The following IL1RL2 variants were observed in gnomAD, a reference collection of about 807,000 sequenced individuals.
The protein encoded by IL1RL2 is interleukin-1 receptor-like 2.
In IL1RL2, 68 loss-of-function variants were observed where a neutral mutation model predicts 66.8. The observed-to-expected ratio is 1.02, with a 90% CI of 0.84 to 1.25. The LOEUF is 1.25. IL1RL2 is among the 50% of genes most tolerant of loss of function. IL1RL2 has a pLI of 0.00. For missense variants in IL1RL2, 729 were observed against 709.3 expected (o/e 1.03, Z -0.32); for synonymous variants, 305 against 264.6 (o/e 1.15, Z -1.48).
At chr2:102,239,111 C>A in intron 11 of IL1RL2, 81 bp from the exon 12 acceptor site, 3 of 1,291,718 alleles carry the variant, frequency 2.3e-6, no homozygotes, top group Non-Finnish European at 3.4e-6. Flanking sequence ...GAGGTTTTCG[C>A]ATTCCCATGG....
intron 5 of IL1RL2, among the ~76,000 whole-genome samples, chr2:102,203,462 T>C (rs955528905): frequency 6.6e-6 from 1 of 152,086 alleles, no homozygotes; most frequent in African/African-American, 2.4e-5. Context: ...TGAGCAGGAT[T>C]GGTATTAGTT....
rs149213603 is a variant in IL1RL2 at position 102,219,970 on chromosome 2, T to C, written c.944T>C (p.Met315Thr). ...VKMEDYGLPF[M>T]CHAGVSTAYI... Reference sequence around the variant, plus strand: ...ATGGAAGATTATGGCCTTCCTTTCATGTGCCACGCTGGAGTGTCCACAGCA... The same window carrying C: ...ATGGAAGATTATGGCCTTCCTTTCACGTGCCACGCTGGAGTGTCCACAGCA... Residue 315 changes from methionine (M) to threonine (T), a missense_variant, in exon 8 of 12, where the codon ATG becomes ACG. Transcript: ENST00000264257. The C allele has an allele frequency of 8.7e-6, 14 of 1,614,008 alleles. No individual in the cohort carries two copies. The highest frequency in any genetic ancestry group is 1.3e-5 in the African/African-American group (1 of 75,060).
At chr2:102,193,255 G>T (rs183554650) in intron 4 of IL1RL2, among the ~76,000 whole-genome samples, 1 of 152,096 alleles carries the variant, frequency 6.6e-6, no homozygotes, top group African/African-American at 2.4e-5. Context: ...TTTAAGGCAC[G>T]TTTGCCAGTG....
chr2:102,192,240 G>A (rs1687295796), intron 4 of IL1RL2, 120 bp downstream of exon 4: 11 of 611,802 alleles, frequency 1.8e-5, no homozygotes, highest in Non-Finnish European at 3.0e-5. Context: ...GCCTAAGATA[G>A]ATTAGTTAGC....
At chr2:102,199,376 T>C (rs1665314039) in intron 4 of IL1RL2, among the ~76,000 whole-genome samples, 1 of 152,268 alleles carries the variant, frequency 6.6e-6, no homozygotes, top group Non-Finnish European at 1.5e-5. Context: ...TCACCAGTTT[T>C]ATCTCCATCA....
chr2:102,212,510 C>G (rs1689259150), intron 6 of IL1RL2, among the ~76,000 whole-genome samples: 1 of 151,962 alleles, frequency 6.6e-6, no homozygotes, highest in African/African-American at 2.4e-5. Flanking sequence ...TAATGTTGAC[C>G]AGGAGTTCTG....
chr2:102,213,614 T>C lies in IL1RL2; in HGVS notation c.724+1440T>C, dbSNP rs1379370184. On this transcript the variant is annotated intron_variant, in intron 6 of 11. Coordinates refer to ENST00000264257, the MANE Select transcript of IL1RL2 (RefSeq NM_003854.4). ...AGCCAAAGCCATAGTTAAAGAATAT[T>C]TAGAAAATAATGATAGTGAGAATAC... 3.9e-5 allele frequency among the ~76,000 whole-genome samples: 6 copies of C among 152,126 alleles called. No individual in the cohort carries two copies. The East Asian group carries it at 1.2e-3, about 29-fold the overall frequency.
chr2:102,200,032 C>A (rs1189601318), intron 4 of IL1RL2, among the ~76,000 whole-genome samples: 4 of 150,016 alleles, frequency 2.7e-5, no homozygotes, highest in Non-Finnish European at 5.9e-5. Flanking sequence ...TGGCACGTAC[C>A]TGTAGTCCCA....
chr2:102,224,044 C>T (rs2104852563), intron 8 of IL1RL2, among the ~76,000 whole-genome samples: 1 of 152,276 alleles, frequency 6.6e-6, no homozygotes, highest in African/African-American at 2.4e-5. Flanking sequence ...TAAAGATGTG[C>T]AATAGTAAAT....
rs1342123625 is a variant in IL1RL2, at chr2:102,235,156, G to A, written c.1557G>A (p.Glu519=). Residue 519 remains glutamate (E), a synonymous_variant, in exon 11 of 12, where the codon GAG becomes GAA. Transcript: ENST00000264257. ...TCCGGTGGCATGGGGACTTCACGGA[G>A]CAGTCACAGTGTATGAAGACCAAGT... The part of the protein sequence containing the change: ...GAIRWHGDFT[E]QSQCMKTKFW... 6.2e-7 allele frequency: 1 copy of A among 1,614,216 alleles called. No individual in the cohort carries two copies. The highest frequency in any genetic ancestry group is 1.3e-5 in the African/African-American group (1 of 75,048).
intron 1 of IL1RL2, 58 bp from the exon 2 acceptor site, chr2:102,187,798 C>G: frequency 6.9e-7 from 1 of 1,444,754 alleles, no homozygotes; most frequent in Non-Finnish European, 9.7e-7. Flanking sequence ...CCCACGCCGG[C>G]GCCTCGGGCC....
rs1162268866 is a variant in IL1RL2, at chr2:102,239,645, G to A, written c.*404G>A. 4.9e-6 allele frequency: 1 copy of A among 204,234 alleles called. No homozygotes were observed. The highest frequency in any genetic ancestry group is 2.3e-5 in the African/African-American group (1 of 44,330). 12.7% of individuals were successfully genotyped at this position (204,234 alleles called of 1,614,324 possible). On this transcript the variant is annotated 3_prime_UTR_variant, in exon 12 of 12. Transcript: ENST00000264257. ...CATGGTCATAGTGGGTGAGAGCTGG[G>A]GGTATCCCTACATCATGGTGGGTGA...
chr2:102,203,932 C>G (rs1253920546), intron 5 of IL1RL2, among the ~76,000 whole-genome samples: 2 of 151,178 alleles, frequency 1.3e-5, no homozygotes, highest in Non-Finnish European at 3.0e-5. Flanking sequence ...AATTTTGGGC[C>G]TGGTTTGCTC....
chr2:102,228,000 G>A (rs149820124), intron 9 of IL1RL2, among the ~76,000 whole-genome samples: 1 of 152,314 alleles, frequency 6.6e-6, no homozygotes, highest in East Asian at 1.9e-4. Flanking sequence ...AGATGAGAGA[G>A]TTAGGCAGCC....
intron 5 of IL1RL2, among the ~76,000 whole-genome samples, chr2:102,206,781 G>A (rs959390360): frequency 2.6e-5 from 4 of 152,230 alleles, no homozygotes; most frequent in African/African-American, 7.2e-5. Context: ...ATCAGCCGGT[G>A]GCAAAGCCAG....
intron 8 of IL1RL2, among the ~76,000 whole-genome samples, chr2:102,224,285 C>CT (rs1690406616): frequency 6.6e-6 from 1 of 152,166 alleles, no homozygotes; most frequent in Non-Finnish European, 1.5e-5. Context: ...TATTGCAGCA[C>CT]TGTTTACAAT....
intron 9 of IL1RL2, among the ~76,000 whole-genome samples, chr2:102,226,287 T>C (rs369443186): frequency 7.9e-5 from 12 of 152,182 alleles, no homozygotes; most frequent in African/African-American, 2.9e-4. Flanking sequence ...GAGGAGATCA[T>C]CTTCTAAGTC....
chr2:102,205,496 T>C (rs1294475003), intron 5 of IL1RL2, among the ~76,000 whole-genome samples: 1 of 152,216 alleles, frequency 6.6e-6, no homozygotes, highest in African/African-American at 2.4e-5. Context: ...TTCTTCTTCA[T>C]GTTTGAAGGT....
At chr2:102,219,351 C>T (rs1922295) in intron 7 of IL1RL2, among the ~76,000 whole-genome samples, 42,629 of 151,954 alleles carry the variant, frequency 0.28, 6,610 homozygotes, top group East Asian at 0.38. Flanking sequence ...CTTAATGCCC[C>T]GGGCATACAA....
Sources: allele counts gnomAD v4.1 joint callset (sites outside exome capture counted in the v4.1 genomes callset), GRCh38; gene constraint gnomAD v4.1.1; transcripts MANE v1.5; gene names NCBI Gene and HGNC (gene_info 2026-07-23, HGNC 2026-07-21).